Variants in SAMD3 observed in about 807,000 individuals in gnomAD.
SAMD3 encodes the protein sterile alpha motif domain containing 3, also known as sterile alpha motif domain-containing protein 3.
SAMD3 carries 63 observed loss-of-function variants against 58.5 expected under a neutral mutation model. That is an observed-to-expected ratio of 1.08 (90% CI 0.88 to 1.33). The LOEUF (loss-of-function observed/expected upper bound fraction) is 1.33. Among genes scored for constraint, SAMD3 ranks in the 40% most tolerant of loss-of-function variants. The pLI, the probability that SAMD3 is intolerant of heterozygous loss-of-function variation, is 0.00. For synonymous variants in SAMD3, 220 were observed against 210.3 expected, an observed-to-expected ratio of 1.05 and a Z score of -0.40; for missense variants, 604 against 608.4, an observed-to-expected ratio of 0.99 and a Z score of 0.08.
chr6:130,344,191 C>T (rs1313331361), intron 1 of SAMD3, among the ~76,000 whole-genome samples: 1 of 152,226 alleles, frequency 6.6e-6, no homozygotes, highest in Non-Finnish European at 1.5e-5. Context: ...TCTCCTCTAA[C>T]TCCAACTAGT....
At chr6:130,299,080 T>A (rs555265041) in intron 2 of SAMD3, among the ~76,000 whole-genome samples, 79 of 152,234 alleles carry the variant, frequency 5.2e-4, no homozygotes, top group African/African-American at 1.8e-3. Context: ...AAAGAAACTC[T>A]GGACTTAAAT....
intron 1 of SAMD3, among the ~76,000 whole-genome samples, chr6:130,325,969 C>G (rs1776745112): frequency 6.6e-6 from 1 of 152,188 alleles, no homozygotes; most frequent in African/African-American, 2.4e-5. Context: ...CCATGCGTCT[C>G]CCTTACATGA....
chr6:130,319,123 G>A (rs970508405), intron 1 of SAMD3, among the ~76,000 whole-genome samples: 16 of 152,024 alleles, frequency 1.1e-4, no homozygotes, highest in Non-Finnish European at 1.9e-4. Flanking sequence ...AATCCTGAAC[G>A]AATCAATAAA....
chr6:130,311,033 G>A (rs1535282), intron 2 of SAMD3, among the ~76,000 whole-genome samples: 44,768 of 151,758 alleles, frequency 0.29, 11,029 homozygotes, highest in African/African-American at 0.68. Context: ...TGGCTCCAGC[G>A]CTGGGGAGGG....
intron 7 of SAMD3, among the ~76,000 whole-genome samples, chr6:130,181,558 G>T (rs1261999183): frequency 1.3e-5 from 2 of 152,170 alleles, no homozygotes; most frequent in African/African-American, 4.8e-5. Context: ...AACAGATGTG[G>T]ATAAAATGGA....
At chr6:130,345,516 A>G (rs1777418331) in intron 1 of SAMD3, among the ~76,000 whole-genome samples, 1 of 152,106 alleles carries the variant, frequency 6.6e-6, no homozygotes, top group African/African-American at 2.4e-5. Context: ...CCAGGCTATG[A>G]CAAGGCTTAG....
At position 130,284,350 on chromosome 6, in the gene SAMD3, T is replaced by G. The variant is rs184764638; in HGVS notation, c.-188+28628A>C. 2.9e-4 allele frequency among the ~76,000 whole-genome samples: 44 copies of G among 152,196 alleles called. No homozygotes were observed. In the East Asian group the frequency reaches 5.8e-3, roughly 20 times the overall value. ...ATATATGTTAGCAATTTCAACATAA[T>G]CACTTAAAAACAGAAACTGATCATA... On this transcript the variant is annotated intron_variant, in intron 2 of 13. Coordinates refer to the SAMD3 transcript ENST00000368134.
chr6:130,151,467 G>A (rs1248859338), intron 9 of SAMD3, among the ~76,000 whole-genome samples: 1 of 151,970 alleles, frequency 6.6e-6, no homozygotes, highest in Non-Finnish European at 1.5e-5. Context: ...TTAACACGGA[G>A]TTTCACTCTT....
intron 2 of SAMD3, among the ~76,000 whole-genome samples, chr6:130,294,629 T>A (rs1775493609): frequency 1.3e-5 from 1 of 79,026 alleles, no homozygotes; most frequent in Non-Finnish European, 2.9e-5. Flanking sequence ...AGGATTAATT[T>A]TTTTTTTTTT....
chr6:130,201,788 T>C (rs983730764), intron 5 of SAMD3, among the ~76,000 whole-genome samples: 7 of 152,240 alleles, frequency 4.6e-5, no homozygotes, highest in Admixed American at 2.0e-4. Context: ...TTCCTTAAGA[T>C]AAACCTCTAA....
intron 2 of SAMD3, among the ~76,000 whole-genome samples, chr6:130,300,034 A>G (rs1051095215): frequency 7.2e-5 from 11 of 152,232 alleles, no homozygotes; most frequent in Admixed American, 2.0e-4. Context: ...AGATGTTCAA[A>G]GAAGAACTGG....
chr6:130,312,179 T>G (rs967880046), intron 2 of SAMD3, among the ~76,000 whole-genome samples: 1 of 152,214 alleles, frequency 6.6e-6, no homozygotes, highest in African/African-American at 2.4e-5. Context: ...TTGATTGATG[T>G]ATTGGACTGG....
At chr6:130,339,647 G>T (rs1245466047) in intron 1 of SAMD3, among the ~76,000 whole-genome samples, 1 of 152,174 alleles carries the variant, frequency 6.6e-6, no homozygotes, top group Non-Finnish European at 1.5e-5. Flanking sequence ...AAGTTATCCA[G>T]TCTAGGGCAG....
intron 1 of SAMD3, among the ~76,000 whole-genome samples, chr6:130,336,596 A>G (rs1176362609): frequency 6.6e-6 from 1 of 152,156 alleles, no homozygotes; most frequent in East Asian, 1.9e-4. Context: ...ACCTGTTCAT[A>G]TGAGTAATGG....
intron 1 of SAMD3, among the ~76,000 whole-genome samples, chr6:130,358,872 C>T (rs1476285737): frequency 1.3e-5 from 2 of 152,152 alleles, no homozygotes; most frequent in Admixed American, 6.5e-5. Flanking sequence ...TTGTCTAATG[C>T]TGCATGGTAT....
At chr6:130,362,778 G>A (rs947969196) in intron 1 of SAMD3, among the ~76,000 whole-genome samples, 1 of 152,004 alleles carries the variant, frequency 6.6e-6, no homozygotes, top group Non-Finnish European at 1.5e-5. Flanking sequence ...ATCTGAGAGG[G>A]GTTAGCACTG....
At chr6:130,274,033 A>C (rs1239481674) in intron 2 of SAMD3, among the ~76,000 whole-genome samples, 1 of 152,120 alleles carries the variant, frequency 6.6e-6, no homozygotes, top group Non-Finnish European at 1.5e-5. Flanking sequence ...CTTTTATTTC[A>C]AGTTGAATAA....
At chr6:130,151,672 C>A (rs1241628732) in intron 9 of SAMD3, among the ~76,000 whole-genome samples, 1 of 152,128 alleles carries the variant, frequency 6.6e-6, no homozygotes, top group Admixed American at 6.5e-5. Flanking sequence ...AACTCCTGAC[C>A]TCAGGTGATC....
At chr6:130,212,020 C>T (rs897315963) in intron 4 of SAMD3, among the ~76,000 whole-genome samples, 7 of 151,380 alleles carry the variant, frequency 4.6e-5, no homozygotes, top group African/African-American at 1.7e-4. Flanking sequence ...GACAAATCTC[C>T]AAGGCTAGTT....
Sources: allele counts gnomAD v4.1 joint callset (sites outside exome capture counted in the v4.1 genomes callset), GRCh38; gene constraint gnomAD v4.1.1; transcripts MANE v1.5; gene names NCBI Gene and HGNC (gene_info 2026-07-23, HGNC 2026-07-21).